FAF1: variants seen among roughly 807,000 people sequenced by gnomAD.
FAF1 encodes the protein Fas associated factor 1.
Under a neutral mutation model 92.5 loss-of-function variants are expected in FAF1, and 25 were observed. That is an observed-to-expected ratio of 0.27 (90% CI 0.20 to 0.38). FAF1 has a LOEUF of 0.38. FAF1 is among the 10% of genes least tolerant of loss of function. FAF1 has a pLI of 1.00. For synonymous variants in FAF1, 234 were observed against 273.2 expected, an observed-to-expected ratio of 0.86 and a Z score of 1.42; for missense variants, 636 against 793.3, an observed-to-expected ratio of 0.80 and a Z score of 2.38.
At chr1:50,683,930 CAAAAA>C (rs78987324) in intron 7 of FAF1, among the ~76,000 whole-genome samples, 1 of 116,152 alleles carries the variant, frequency 8.6e-6, no homozygotes. Context: ...AACACTCCAT[CAAAAA>C]AAAAAAAAAA....
chr1:50,686,690 C>T (rs1569763552), intron 7 of FAF1, among the ~76,000 whole-genome samples: 1 of 152,206 alleles, frequency 6.6e-6, no homozygotes, highest in African/African-American at 2.4e-5. Context: ...TAATATCAAA[C>T]TCAAGAAAAC....
intron 3 of FAF1, among the ~76,000 whole-genome samples, chr1:50,797,869 T>C (rs1468845681): frequency 3.3e-5 from 5 of 152,190 alleles, no homozygotes; most frequent in Admixed American, 2.6e-4. Flanking sequence ...TAACACCGAT[T>C]TGGAAGCTCT....
chr1:50,830,432 C>A (rs1168159158), intron 2 of FAF1, among the ~76,000 whole-genome samples: 2 of 152,202 alleles, frequency 1.3e-5, no homozygotes, highest in Non-Finnish European at 2.9e-5. Context: ...ATTTAAGATA[C>A]AGAGACATTG....
chr1:50,815,319 A>C (rs1198966818), intron 2 of FAF1, among the ~76,000 whole-genome samples: 1 of 151,992 alleles, frequency 6.6e-6, no homozygotes. Flanking sequence ...CTTACGTGAG[A>C]ATGTGCTTTG....
chr1:50,505,663 C>A (rs1003098972), intron 15 of FAF1, among the ~76,000 whole-genome samples: 1 of 152,158 alleles, frequency 6.6e-6, no homozygotes, highest in Non-Finnish European at 1.5e-5. Context: ...TGGCTATATT[C>A]ATTCATTTGC....
intron 3 of FAF1, among the ~76,000 whole-genome samples, chr1:50,800,161 T>C (rs1311350742): frequency 2.0e-5 from 3 of 152,288 alleles, no homozygotes; most frequent in Admixed American, 2.0e-4. Flanking sequence ...ATAAAATATA[T>C]TAAATAAAAA....
At chr1:50,523,017 T>C (rs902867240) in intron 15 of FAF1, among the ~76,000 whole-genome samples, 5 of 152,212 alleles carry the variant, frequency 3.3e-5, no homozygotes, top group African/African-American at 1.2e-4. Context: ...TGATGAATCA[T>C]ACATTTGTCC....
At chr1:50,884,986 T>C (rs190162259) in intron 1 of FAF1, among the ~76,000 whole-genome samples, 1 of 152,298 alleles carries the variant, frequency 6.6e-6, no homozygotes, top group African/African-American at 2.4e-5. Flanking sequence ...TAGATTTCTT[T>C]ATGGTTGAAT....
intron 8 of FAF1, among the ~76,000 whole-genome samples, chr1:50,646,717 A>G (rs771734493): frequency 6.6e-6 from 1 of 152,178 alleles, no homozygotes; most frequent in Non-Finnish European, 1.5e-5. Context: ...CATTGTTTAT[A>G]TATGTCTCCC....
At chr1:50,545,051 A>G (rs1648943859) in intron 13 of FAF1, among the ~76,000 whole-genome samples, 1 of 152,110 alleles carries the variant, frequency 6.6e-6, no homozygotes, top group African/African-American at 2.4e-5. Context: ...AAAAACAAAA[A>G]CACCATAACT....
At chr1:50,561,585 T>C (rs1319843717) in intron 13 of FAF1, among the ~76,000 whole-genome samples, 3 of 152,148 alleles carry the variant, frequency 2.0e-5, no homozygotes, top group African/African-American at 4.8e-5. Flanking sequence ...CCCAGCACTT[T>C]GGGAGGCTGA....
intron 2 of FAF1, among the ~76,000 whole-genome samples, chr1:50,826,355 A>G (rs766999931): frequency 3.3e-5 from 5 of 152,036 alleles, no homozygotes; most frequent in Non-Finnish European, 7.4e-5. Context: ...GTTCAAGACC[A>G]GCTTAGCCAA....
chr1:50,871,718 T>C (rs571935137), intron 1 of FAF1, among the ~76,000 whole-genome samples: 2 of 152,284 alleles, frequency 1.3e-5, no homozygotes, highest in East Asian at 1.9e-4. Flanking sequence ...AGAGCTCAGA[T>C]AGAGATGTAC....
intron 5 of FAF1, 37 bp downstream of exon 5, chr1:50,744,645 CTT>C: frequency 7.4e-7 from 1 of 1,343,718 alleles, no homozygotes; most frequent in Non-Finnish European, 1.1e-6. Context: ...AATGGCATAA[CTT>C]AATTTTCTTT....
In FAF1 at chr1:50,854,199, T is replaced by C. The variant is rs1644373738; in HGVS notation, c.114+3730A>G. ...TCCCCTGACCCAAATTCTTCTATAG[T>C]GAAAACAGAAAGTGAGACGTGGGTC... is the stretch of plus-strand genomic sequence containing the variant. On this transcript the variant is annotated intron_variant, in intron 2 of 18. Transcript: ENST00000396153. 1.3e-5 allele frequency among the ~76,000 whole-genome samples: 2 copies of C among 152,042 alleles called. 1 individual carries two copies. The highest frequency in any genetic ancestry group is 1.3e-4 in the Admixed American group (2 of 15,248).
chr1:50,511,005 A>G (rs994152440), intron 15 of FAF1, among the ~76,000 whole-genome samples: 2 of 152,188 alleles, frequency 1.3e-5, no homozygotes, highest in African/African-American at 4.8e-5. Context: ...AAGTCCCCAA[A>G]TTCTAGAAAG....
chr1:50,441,487 C>T lies in FAF1; in HGVS notation c.1906G>A (p.Val636Ile). The T allele has an allele frequency of 1.3e-6, 2 of 1,546,036 alleles. No homozygotes were observed. The highest frequency in any genetic ancestry group is 1.7e-4 in the Middle Eastern group (1 of 5,960). The change falls in exon 19 of 19, where the codon GTA becomes ATA. Residue 636 changes from valine to isoleucine, a missense_variant. Val to Ile is a conservative substitution (Grantham distance 29). Transcript: ENST00000396153. ...AGGGTTTCTTGAGGGAACAACTTTA[C>T]CTCCAATAATGATTTATTTGGGTCC... ...QLDPNKSLLE[V>I]KLFPQETLFL...
At chr1:50,572,361 C>T (rs977617605) in intron 12 of FAF1, among the ~76,000 whole-genome samples, 5 of 152,154 alleles carry the variant, frequency 3.3e-5, no homozygotes, top group Middle Eastern at 6.3e-3. Flanking sequence ...ATTTATATCA[C>T]ACCTAAGACA....
rs57779128 is a variant in FAF1 at position 50,490,491 on chromosome 1, AAAGGAAGGAAGG to A, written c.1653+85_1653+96del. ...GAAAGAAGGAAGGAAGGAAGGAAGGAAAGGAAGGAAGGAAGGAAGGAAGGAAGGTAGGTTAAC... is the reference window on the plus strand; with the variant it reads ...GAAAGAAGGAAGGAAGGAAGGAAGGAAAGGAAGGAAGGAAGGTAGGTTAAC... On this transcript the variant is annotated intron_variant, in intron 17 of 18. Transcript: ENST00000396153. The A allele has an allele frequency of 5.4e-5, 30 of 559,388 alleles. 2 individuals carry two copies. The highest frequency in any genetic ancestry group is 3.2e-4 in the African/African-American group (13 of 41,076). The allele number at this position is 559,388 out of a possible 1,614,324, so 34.7% of individuals were successfully genotyped here. A position where few individuals can be genotyped will look rare whatever the true frequency, so the allele number is the denominator to read the frequency against.
Sources: gnomAD v4.1 joint callset for allele counts (sites outside exome capture counted in the v4.1 genomes callset) on GRCh38, gnomAD v4.1.1 for gene constraint, MANE v1.5 for transcripts, NCBI Gene and HGNC (gene_info 2026-07-23, HGNC 2026-07-21) for gene names.